PCLO: variants seen among roughly 807,000 people sequenced by gnomAD.
PCLO encodes protein piccolo.
Under a neutral mutation model 427.5 loss-of-function variants are expected in PCLO, and 82 were observed. That is an observed-to-expected ratio of 0.19 (90% CI 0.16 to 0.23). PCLO has a LOEUF of 0.23. PCLO is among the 10% of genes least tolerant of loss of function. The probability of loss-of-function intolerance (pLI) is 1.00; values close to 1 mark genes in which losing one functional copy is unlikely to be tolerated. For missense variants in PCLO, 6,239 were observed against 6,115.9 expected, an observed-to-expected ratio of 1.02 and a Z score of -0.67; for synonymous variants, 2,357 against 2,155.4, an observed-to-expected ratio of 1.09 and a Z score of -2.59.
intron 2 of PCLO, among the ~76,000 whole-genome samples, chr7:83,147,210 G>A (rs1387958256): frequency 6.6e-6 from 1 of 151,894 alleles, no homozygotes; most frequent in East Asian, 1.9e-4. Flanking sequence ...GTGCAAACTG[G>A]ATCACATCAA....
At chr7:83,078,730 C>T (rs1321071444) in intron 3 of PCLO, among the ~76,000 whole-genome samples, 1 of 152,004 alleles carries the variant, frequency 6.6e-6, no homozygotes, top group Non-Finnish European at 1.5e-5. Context: ...CGGGGTTTCA[C>T]CACGTTGCCC....
At chr7:82,831,550 G>T (rs2715154) in intron 16 of PCLO, among the ~76,000 whole-genome samples, 86,399 of 151,920 alleles carry the variant, frequency 0.57, 25,596 homozygotes, top group East Asian at 0.85. Flanking sequence ...TAGTACATCC[G>T]AAGTGAGTGT....
chr7:83,001,509 C>CACAT (rs759987463), intron 3 of PCLO, among the ~76,000 whole-genome samples: 1 of 151,114 alleles, frequency 6.6e-6, no homozygotes, highest in Non-Finnish European at 1.5e-5. Flanking sequence ...CATACAAACA[C>CACAT]ACACACACAC....
chr7:82,777,575 G>C (rs965348284), intron 22 of PCLO, among the ~76,000 whole-genome samples: 3 of 152,044 alleles, frequency 2.0e-5, no homozygotes, highest in African/African-American at 7.2e-5. Flanking sequence ...ACCGAATAGA[G>C]AGCCCAGAAA....
At chr7:82,863,998 C>T (rs1793030514) in intron 10 of PCLO, among the ~76,000 whole-genome samples, 1 of 151,998 alleles carries the variant, frequency 6.6e-6, no homozygotes, top group African/African-American at 2.4e-5. Context: ...AGCAAATCCC[C>T]ATTTTCACAA....
chr7:82,991,264 C>T (rs1208755874), intron 3 of PCLO, among the ~76,000 whole-genome samples: 1 of 151,896 alleles, frequency 6.6e-6, no homozygotes, highest in African/African-American at 2.4e-5. Flanking sequence ...AAATGATATG[C>T]CTTTTATGTA....
intron 22 of PCLO, among the ~76,000 whole-genome samples, chr7:82,794,859 C>CTCTATATTTAGAG (rs1791193590): frequency 6.6e-6 from 1 of 152,028 alleles, no homozygotes; most frequent in Non-Finnish European, 1.5e-5. Flanking sequence ...GTATAGTGAT[C>CTCTATATTTAGAG]ATTTAGTGAT....
chr7:82,993,630 A>T (rs535716864), intron 3 of PCLO, among the ~76,000 whole-genome samples: 27 of 152,148 alleles, frequency 1.8e-4, no homozygotes, highest in African/African-American at 6.3e-4. Context: ...AGTCATCAAA[A>T]TGTGATTGCA....
chr7:83,008,952 A>T (rs1049530184), intron 3 of PCLO, among the ~76,000 whole-genome samples: 4 of 151,590 alleles, frequency 2.6e-5, no homozygotes, highest in African/African-American at 7.2e-5. Flanking sequence ...AAGCAAATAT[A>T]AAAAAAATCA....
In PCLO at chr7:82,950,983, A is replaced by G. The variant is rs1275355634; in HGVS notation, c.9605T>C (p.Leu3202Ser). ...TTGTTTATCTTCTTCAGGGACAATT[A>G]AAAGAGCACTTTCATCTCCCACCAC... is the stretch of plus-strand genomic sequence containing the variant. Reference protein sequence around the residue: ...PEVVGDESALLIVPEEDKQQQ... With the variant: ...PEVVGDESALSIVPEEDKQQQ... The change falls in exon 6 of 25, where the codon TTA becomes TCA. Residue 3202 changes from leucine (L) to serine (S), a missense_variant. By Grantham distance (145) the Leu-to-Ser change is moderately radical. Around this residue, in one of 5 missense-constraint regions of PCLO, gnomAD observed 4,677 missense variants for 4,468.4 expected, o/e 1.05. Coordinates refer to ENST00000333891, the MANE Select transcript of PCLO (RefSeq NM_033026.6). The G allele has an allele frequency of 1.2e-6, 2 of 1,613,766 alleles. No individual in the cohort carries two copies. The highest frequency in any genetic ancestry group is 1.6e-4 in the Middle Eastern group (1 of 6,062).
chr7:83,116,919 C>T (rs1009675220), intron 3 of PCLO, among the ~76,000 whole-genome samples: 2 of 151,900 alleles, frequency 1.3e-5, no homozygotes, highest in Admixed American at 6.6e-5. Flanking sequence ...TTCACAATAT[C>T]CAATATATGG....
chr7:82,942,868 AT>A (rs1225173463), intron 6 of PCLO, among the ~76,000 whole-genome samples: 10 of 151,998 alleles, frequency 6.6e-5, no homozygotes, highest in African/African-American at 1.4e-4. Flanking sequence ...ATATATGATT[AT>A]TTTTTTCTGA....
At chr7:82,836,912 T>G (rs2115750521) in intron 15 of PCLO, among the ~76,000 whole-genome samples, 1 of 152,252 alleles carries the variant, frequency 6.6e-6, no homozygotes, top group South Asian at 2.1e-4. Flanking sequence ...CTTTTAAATT[T>G]GCCACAGATT....
chr7:82,900,971 G>A (rs1409096056), intron 9 of PCLO, among the ~76,000 whole-genome samples: 1 of 151,802 alleles, frequency 6.6e-6, no homozygotes, highest in East Asian at 1.9e-4. Context: ...TAAATTCACA[G>A]TGTTCAAATT....
intron 3 of PCLO, among the ~76,000 whole-genome samples, chr7:83,047,941 C>T (rs576367487): frequency 2.6e-5 from 4 of 151,948 alleles, no homozygotes; most frequent in Non-Finnish European, 2.9e-5. Flanking sequence ...ATTGTCTTAA[C>T]GAAACTCAGA....
chr7:83,060,226 C>T (rs1789510598), intron 3 of PCLO, among the ~76,000 whole-genome samples: 1 of 152,128 alleles, frequency 6.6e-6, no homozygotes, highest in Non-Finnish European at 1.5e-5. Flanking sequence ...TTTTAAATAA[C>T]ACTCCCAACA....
At chr7:83,140,267 A>G (rs1239346870) in intron 2 of PCLO, among the ~76,000 whole-genome samples, 5 of 152,142 alleles carry the variant, frequency 3.3e-5, no homozygotes, top group Admixed American at 3.3e-4. Context: ...TTTGGCCATT[A>G]TTATTTCTCA....
intron 10 of PCLO, among the ~76,000 whole-genome samples, chr7:82,848,303 A>T (rs1173974996): frequency 1.3e-4 from 10 of 78,350 alleles, no homozygotes; most frequent in East Asian, 1.9e-3. Context: ...ACCATTAGTT[A>T]GTTTTTTTTT....
At chr7:83,099,941 T>A (rs1281662660) in intron 3 of PCLO, among the ~76,000 whole-genome samples, 2 of 151,880 alleles carry the variant, frequency 1.3e-5, no homozygotes, top group Non-Finnish European at 2.9e-5. Context: ...TACTATTTTT[T>A]AAAATCTACT....
Sources: allele counts gnomAD v4.1 joint callset (sites outside exome capture counted in the v4.1 genomes callset), GRCh38; gene constraint gnomAD v4.1.1; regional missense constraint gnomAD v4.1.1; transcripts MANE v1.5; gene names NCBI Gene and HGNC (gene_info 2026-07-23, HGNC 2026-07-21).